Variants in AGBL1 observed in about 807,000 individuals in gnomAD.
AGBL1 encodes the protein AGBL carboxypeptidase 1, also known as cytosolic carboxypeptidase 4.
Under a neutral mutation model 118.9 loss-of-function variants are expected in AGBL1, and 130 were observed. The observed-to-expected ratio is 1.09, with a 90% CI of 0.95 to 1.26. The LOEUF (loss-of-function observed/expected upper bound fraction) is 1.26, where lower values mean the gene tolerates loss of function less well. Among genes scored for constraint, AGBL1 ranks in the 50% most tolerant of loss-of-function variants. The pLI is 0.00. For missense variants in AGBL1, 1,584 were observed against 1,298.1 expected, an observed-to-expected ratio of 1.22 and a Z score of -3.38; for synonymous variants, 555 against 478.9, an observed-to-expected ratio of 1.16 and a Z score of -2.08.
intron 22 of AGBL1, among the ~76,000 whole-genome samples, chr15:86,861,939 G>T (rs925554028): frequency 6.6e-6 from 1 of 152,222 alleles, no homozygotes; most frequent in African/African-American, 2.4e-5. Flanking sequence ...GCAAAGATGA[G>T]CATTGTCCTA....
intron 1 of AGBL1, among the ~76,000 whole-genome samples, chr15:86,104,101 C>T (rs1014222226): frequency 6.6e-6 from 1 of 152,144 alleles, no homozygotes; most frequent in East Asian, 1.9e-4. Flanking sequence ...TGTCCTCAAT[C>T]CCATGAGAGG....
chr15:86,592,872 C>T (rs1434822267), intron 21 of AGBL1, among the ~76,000 whole-genome samples: 5 of 152,138 alleles, frequency 3.3e-5, no homozygotes, highest in South Asian at 2.1e-4. Context: ...CTTGACATTC[C>T]TGGGGTGCGG....
chr15:86,858,689 G>A (rs1325443826), intron 22 of AGBL1, among the ~76,000 whole-genome samples: 6 of 152,280 alleles, frequency 3.9e-5, no homozygotes, highest in Non-Finnish European at 7.4e-5. Flanking sequence ...AACAGGGACA[G>A]GCTCAAGAAC....
At chr15:86,431,669 C>T (rs1177631775) in intron 18 of AGBL1, among the ~76,000 whole-genome samples, 1 of 152,154 alleles carries the variant, frequency 6.6e-6, no homozygotes, top group Non-Finnish European at 1.5e-5. Context: ...TCTGGTAAGC[C>T]AAAGGATTCC....
At chr15:86,347,410 C>T (rs1468029426) in intron 17 of AGBL1, among the ~76,000 whole-genome samples, 1 of 152,212 alleles carries the variant, frequency 6.6e-6, no homozygotes, top group African/African-American at 2.4e-5. Context: ...AACAGGGTTA[C>T]GTCCTAGTAG....
At chr15:86,735,644 C>T (rs1333595381) in intron 22 of AGBL1, among the ~76,000 whole-genome samples, 1 of 114,506 alleles carries the variant, frequency 8.7e-6, no homozygotes, top group African/African-American at 4.1e-5. Flanking sequence ...GTATTTCCTG[C>T]TACAAAGAGA....
chr15:86,383,569 G>A (rs890152727), intron 17 of AGBL1, among the ~76,000 whole-genome samples: 5 of 152,056 alleles, frequency 3.3e-5, no homozygotes, highest in Non-Finnish European at 7.4e-5. Context: ...CCTGGGCAAC[G>A]GAGTGAGACT....
intron 1 of AGBL1, among the ~76,000 whole-genome samples, chr15:86,113,108 G>C (rs914358968): frequency 1.3e-5 from 2 of 152,168 alleles, no homozygotes; most frequent in Non-Finnish European, 2.9e-5. Context: ...GACTGGGGCA[G>C]ATTTTAGCTT....
chr15:86,980,900 T>G (rs2081225845), intron 23 of AGBL1, among the ~76,000 whole-genome samples: 1 of 148,902 alleles, frequency 6.7e-6, no homozygotes, highest in African/African-American at 2.5e-5. Flanking sequence ...TTTTTTTTTT[T>G]TTTTGAGACA....
Position 86,546,152 on chromosome 15 carries a change from T to C in AGBL1, c.2817+19T>C. On this transcript the variant is annotated intron_variant, in intron 20 of 22. Transcript: ENST00000614907. ...CTACAGGGTAAGCCGCTGTGGGGAA[T>C]GACATCAGACATGCTGTGTTCATAT... The C allele has an allele frequency of 5.0e-6, 8 of 1,606,712 alleles. No individual in the cohort carries two copies. The highest frequency in any genetic ancestry group is 6.8e-6 in the Non-Finnish European group (8 of 1,174,794).
At chr15:86,758,694 A>C (rs1307922518) in intron 22 of AGBL1, among the ~76,000 whole-genome samples, 2 of 152,012 alleles carry the variant, frequency 1.3e-5, no homozygotes, top group Non-Finnish European at 2.9e-5. Flanking sequence ...ATACCTGGCC[A>C]GTTGTGGTGG....
intron 23 of AGBL1, among the ~76,000 whole-genome samples, chr15:86,967,354 G>T (rs1016133747): frequency 3.9e-5 from 6 of 152,092 alleles, no homozygotes; most frequent in Middle Eastern, 3.4e-3. Flanking sequence ...GTCAATTTTG[G>T]CTTTTGTTGC....
chr15:86,310,149 C>A (rs1430068062), intron 17 of AGBL1, among the ~76,000 whole-genome samples: 1 of 152,130 alleles, frequency 6.6e-6, no homozygotes. Context: ...CTTCATGATT[C>A]AGTCTTGGTA....
chr15:86,827,106 C>G (rs1299957510), intron 22 of AGBL1, among the ~76,000 whole-genome samples: 1 of 150,224 alleles, frequency 6.7e-6, no homozygotes, highest in Non-Finnish European at 1.5e-5. Flanking sequence ...GCTAGGATTA[C>G]TATGTATGAG....
chr15:86,896,843 C>T lies in AGBL1; in HGVS notation c.3159-10244C>T, dbSNP rs973698726. Among the ~76,000 whole-genome samples, 2 of 152,078 alleles carry T rather than the reference C, an allele frequency of 1.3e-5. 1 individual carries two copies. Among genetic ancestry groups the T allele is most frequent in the Non-Finnish European group, 2.9e-5 (2 of 67,996 alleles). On this transcript the variant is annotated intron_variant, in intron 22 of 22. Transcript: ENST00000614907. ...ATGTTTATTATAACATAGTTCTGTG[C>T]TCATCAACACTTCTCTGACCATGCA... is the stretch of plus-strand genomic sequence containing the variant.
intron 22 of AGBL1, among the ~76,000 whole-genome samples, chr15:86,896,720 C>T (rs1037854816): frequency 6.6e-6 from 1 of 151,922 alleles, no homozygotes; most frequent in Non-Finnish European, 1.5e-5. Flanking sequence ...TGCATATGTT[C>T]TTATTTTTAT....
chr15:86,172,163 T>A (rs1032836844), intron 5 of AGBL1, among the ~76,000 whole-genome samples: 1 of 152,208 alleles, frequency 6.6e-6, no homozygotes, highest in Non-Finnish European at 1.5e-5. Flanking sequence ...AATCATCACC[T>A]GTTCTCCAAA....
chr15:86,674,498 C>A, intron 22 of AGBL1, 62 bp downstream of exon 22: 1 of 1,517,308 alleles, frequency 6.6e-7, no homozygotes, highest in Non-Finnish European at 9.0e-7. Flanking sequence ...CTCAATATCT[C>A]AGTAATGAAA....
chr15:86,714,216 G>A (rs1226352617), intron 22 of AGBL1, among the ~76,000 whole-genome samples: 5 of 152,186 alleles, frequency 3.3e-5, no homozygotes, highest in African/African-American at 7.2e-5. Context: ...CCCATGTGCC[G>A]TTAAGTTGCA....
Sources: allele counts gnomAD v4.1 joint callset (sites outside exome capture counted in the v4.1 genomes callset), GRCh38; gene constraint gnomAD v4.1.1; transcripts MANE v1.5; gene names NCBI Gene and HGNC (gene_info 2026-07-23, HGNC 2026-07-21).